SETBP1: variants seen among roughly 807,000 people sequenced by gnomAD.
SETBP1 encodes the protein SET binding protein 1.
In SETBP1, 9 loss-of-function variants were observed where a neutral mutation model predicts 101.0. That is an observed-to-expected ratio of 0.09 (90% CI 0.05 to 0.16). The LOEUF (loss-of-function observed/expected upper bound fraction) is 0.16, where lower values mean the gene tolerates loss of function less well. Ranked by LOEUF, SETBP1 falls within the 10% of genes least tolerant of loss-of-function variation. SETBP1 has a pLI of 1.00. For missense variants in SETBP1, 1,858 were observed against 2,033.8 expected (o/e 0.91, Z 1.66); for synonymous variants, 818 against 788.5 (o/e 1.04, Z -0.63).
intron 4 of SETBP1, among the ~76,000 whole-genome samples, chr18:44,963,009 T>G (rs1306434595): frequency 3.3e-5 from 5 of 152,188 alleles, no homozygotes. Context: ...ATCTTCAAAA[T>G]CCAGTGGGGT....
At chr18:44,771,560 C>A (rs1404299619) in intron 2 of SETBP1, among the ~76,000 whole-genome samples, 2 of 152,084 alleles carry the variant, frequency 1.3e-5, no homozygotes, top group African/African-American at 4.8e-5. Flanking sequence ...TTATGTAAGT[C>A]CCTAAGACAG....
Position 44,880,648 on chromosome 18 carries a change from G to A in SETBP1, c.540+11365G>A, listed in dbSNP as rs768596665. On this transcript the variant is annotated intron_variant, in intron 3 of 5. Coordinates refer to ENST00000649279, the MANE Select transcript of SETBP1 (RefSeq NM_015559.3). Reference sequence around the variant, plus strand: ...GGGAGGCCTCAGGGAGTTTACAATCGTGGCCGAAGGTAAAGGGAAAGCAGG... The same window carrying A: ...GGGAGGCCTCAGGGAGTTTACAATCATGGCCGAAGGTAAAGGGAAAGCAGG... Among the ~76,000 whole-genome samples, 7 of 152,282 alleles carry A rather than the reference G, an allele frequency of 4.6e-5. No homozygotes were observed. The South Asian group carries it at 6.2e-4, about 14-fold the overall frequency.
Position 44,874,960 on chromosome 18 carries a change from G to A in SETBP1, c.540+5677G>A, listed in dbSNP as rs150746882. ...CAACAGAAAAGGAAGGCTGAAGCAG[G>A]GCAGGGGCTGTGACAGCAGCTGATG... On this transcript the variant is annotated intron_variant, in intron 3 of 5. Coordinates refer to ENST00000649279, the MANE Select transcript of SETBP1 (RefSeq NM_015559.3). 6.6e-5 allele frequency among the ~76,000 whole-genome samples: 10 copies of A among 152,292 alleles called. No individual in the cohort carries two copies. In the East Asian group the frequency reaches 7.7e-4, roughly 12 times the overall value.
chr18:44,803,082 G>A (rs992717871), intron 2 of SETBP1, among the ~76,000 whole-genome samples: 1 of 152,154 alleles, frequency 6.6e-6, no homozygotes, highest in African/African-American at 2.4e-5. Flanking sequence ...GGTCTCGGGA[G>A]AGAACACACC....
At chr18:45,016,542 C>T (rs530415606) in intron 4 of SETBP1, among the ~76,000 whole-genome samples, 36 of 152,286 alleles carry the variant, frequency 2.4e-4, no homozygotes, top group African/African-American at 8.7e-4. Flanking sequence ...TTTACTTCTT[C>T]TCCCAATCTC....
intron 2 of SETBP1, among the ~76,000 whole-genome samples, chr18:44,706,450 G>A (rs1391099382): frequency 6.6e-6 from 1 of 151,522 alleles, no homozygotes; most frequent in East Asian, 1.9e-4. Context: ...GCCAGGCATG[G>A]GGTGGTGAAT....
At chr18:44,910,158 GT>G (rs1393645627) in intron 3 of SETBP1, among the ~76,000 whole-genome samples, 1 of 152,154 alleles carries the variant, frequency 6.6e-6, no homozygotes, top group Middle Eastern at 3.2e-3. Context: ...CTCTGAGATT[GT>G]TGTTAACTGG....
chr18:44,967,559 T>C (rs1221181897), intron 4 of SETBP1, among the ~76,000 whole-genome samples: 1 of 152,166 alleles, frequency 6.6e-6, no homozygotes, highest in Non-Finnish European at 1.5e-5. Flanking sequence ...TTTAAGGTCT[T>C]ACGGAGCTGA....
intron 4 of SETBP1, among the ~76,000 whole-genome samples, chr18:45,032,288 G>A (rs16978249): frequency 0.017 from 2,623 of 152,078 alleles, 77 homozygotes; most frequent in African/African-American, 0.06. Context: ...TTCGTTGTTT[G>A]GTTTATCAAT....
chr18:44,820,988 C>T (rs1174050002), intron 2 of SETBP1, among the ~76,000 whole-genome samples: 1 of 152,140 alleles, frequency 6.6e-6, no homozygotes, highest in Non-Finnish European at 1.5e-5. Context: ...ATTACAGTTC[C>T]TTATTGGCAG....
chr18:44,977,758 G>T (rs942781801), intron 4 of SETBP1, among the ~76,000 whole-genome samples: 2 of 152,210 alleles, frequency 1.3e-5, no homozygotes, highest in African/African-American at 2.4e-5. Flanking sequence ...GGGTGTTTCT[G>T]CAGTTGCTGC....
chr18:44,797,091 G>T (rs186076870), intron 2 of SETBP1, among the ~76,000 whole-genome samples: 1 of 152,272 alleles, frequency 6.6e-6, no homozygotes, highest in Admixed American at 6.5e-5. Context: ...GGCAGATCCT[G>T]GTGTGTGTTA....
rs188158853 is a variant in SETBP1, at chr18:44,822,494, T to G, written c.487-46736T>G. The stretch of plus-strand genomic sequence containing the variant: ...AAAATGTCATGGAGTAAAGGGTGTT[T>G]AAATTCTTTAGCTGTTCATCCCAAA... On this transcript the variant is annotated intron_variant, in intron 2 of 5. Transcript: ENST00000649279. 2.1e-4 allele frequency among the ~76,000 whole-genome samples: 32 copies of G among 152,378 alleles called. 1 individual carries two copies. The highest frequency in any genetic ancestry group is 5.8e-4 in the African/African-American group (24 of 41,594).
At chr18:44,704,135 A>G (rs1311635364) in intron 2 of SETBP1, among the ~76,000 whole-genome samples, 3 of 152,186 alleles carry the variant, frequency 2.0e-5, no homozygotes, top group African/African-American at 4.8e-5. Flanking sequence ...TCCCAAATAT[A>G]GCTTTCTCCC....
At chr18:44,985,001 C>T (rs1351229170) in intron 4 of SETBP1, among the ~76,000 whole-genome samples, 4 of 152,098 alleles carry the variant, frequency 2.6e-5, no homozygotes, top group Non-Finnish European at 4.4e-5. Flanking sequence ...ACTAGCCAGT[C>T]GTGGTGGCGT....
At chr18:44,945,862 T>C (rs1018656181) in intron 3 of SETBP1, among the ~76,000 whole-genome samples, 1 of 152,150 alleles carries the variant, frequency 6.6e-6, no homozygotes, top group Admixed American at 6.5e-5. Flanking sequence ...CGATAAGATA[T>C]CATCTCCCCA....
intron 2 of SETBP1, among the ~76,000 whole-genome samples, chr18:44,726,188 G>A (rs534342161): frequency 1.3e-5 from 2 of 152,258 alleles, no homozygotes; most frequent in Admixed American, 1.3e-4. Flanking sequence ...ACTAACTCAT[G>A]TGAGTTGTTA....
At chr18:45,039,997 G>T (rs368975894) in intron 5 of SETBP1, among the ~76,000 whole-genome samples, 1 of 152,192 alleles carries the variant, frequency 6.6e-6, no homozygotes. Context: ...AGGGCTTTCC[G>T]GGGCCTTGCA....
chr18:44,720,641 A>G (rs953462986), intron 2 of SETBP1, among the ~76,000 whole-genome samples: 3 of 152,138 alleles, frequency 2.0e-5, no homozygotes, highest in African/African-American at 7.2e-5. Context: ...CCGATGGTGG[A>G]ACATGTGAGA....
Sources: gnomAD v4.1 joint callset for allele counts (sites outside exome capture counted in the v4.1 genomes callset) on GRCh38, gnomAD v4.1.1 for gene constraint, MANE v1.5 for transcripts, NCBI Gene and HGNC (gene_info 2026-07-23, HGNC 2026-07-21) for gene names.